The following TENM3 variants were observed in gnomAD, a reference collection of about 807,000 sequenced individuals.
The protein encoded by TENM3 is teneurin-3.
In TENM3, 63 loss-of-function variants were observed where a neutral mutation model predicts 255.1. That is an observed-to-expected ratio of 0.25 (90% CI 0.20 to 0.30). TENM3 has a LOEUF of 0.30. Among genes scored for constraint, TENM3 ranks in the 10% least tolerant of loss-of-function variants. The probability of loss-of-function intolerance (pLI) is 1.00; values close to 1 mark genes in which losing one functional copy is unlikely to be tolerated. For synonymous variants in TENM3, 1,306 were observed against 1,322.3 expected, an observed-to-expected ratio of 0.99 and a Z score of 0.27; for missense variants, 2,929 against 3,461.1, an observed-to-expected ratio of 0.85 and a Z score of 3.86.
chr4:182,702,106 A>G (rs1471414170), intron 12 of TENM3, among the ~76,000 whole-genome samples: 5 of 152,232 alleles, frequency 3.3e-5, no homozygotes, highest in Non-Finnish European at 7.3e-5. Flanking sequence ...CTCAAATAAA[A>G]TTACTAGTGA....
chr4:182,105,108 G>T, the TENM3 span, among the ~76,000 whole-genome samples: 14 of 152,138 alleles, frequency 9.2e-5, no homozygotes, highest in Non-Finnish European at 2.1e-4. Context: ...AGCTACTCCG[G>T]AGGCTGAAGC....
the TENM3 span, among the ~76,000 whole-genome samples, chr4:181,841,802 T>C: frequency 6.6e-6 from 1 of 152,220 alleles, no homozygotes; most frequent in Non-Finnish European, 1.5e-5. Flanking sequence ...CATCAATGTA[T>C]CAATTAACTT....
In TENM3 at chr4:182,326,214, C is replaced by T. The variant is rs566054010; in HGVS notation, c.232+1962C>T. On this transcript the variant is annotated intron_variant, in intron 2 of 27. Transcript: ENST00000511685. ...TGTATGAATCCGAACTTTGTAGAAA[C>T]GTAAATGGGATGGACTGCTAGTTAC... Among the ~76,000 whole-genome samples the T allele has an allele frequency of 3.9e-5, 6 of 152,306 alleles. No individual in the cohort carries two copies. In the East Asian group the frequency reaches 1.2e-3, roughly 29 times the overall value.
At chr4:182,621,179 T>TAA (rs113609964) in intron 4 of TENM3, among the ~76,000 whole-genome samples, 21 of 146,790 alleles carry the variant, frequency 1.4e-4, no homozygotes, top group African/African-American at 4.3e-4. Context: ...AGACTCCGTC[T>TAA]AAAAAAAAAA....
chr4:182,264,202 G>A (rs1471836606), intron 1 of TENM3, among the ~76,000 whole-genome samples: 1 of 152,206 alleles, frequency 6.6e-6, no homozygotes, highest in African/African-American at 2.4e-5. Flanking sequence ...GCTGTATTTT[G>A]AGCTATGAAT....
the TENM3 span, among the ~76,000 whole-genome samples, chr4:181,815,288 C>T: frequency 6.8e-4 from 88 of 128,754 alleles, no homozygotes; most frequent in African/African-American, 2.4e-3. Context: ...CCCGTCTCTA[C>T]AAAAATACAA....
chr4:182,259,089 A>G (rs191687778), intron 1 of TENM3, among the ~76,000 whole-genome samples: 1 of 152,306 alleles, frequency 6.6e-6, no homozygotes, highest in East Asian at 1.9e-4. Context: ...CCCAAGCTAA[A>G]AGATGGTGAA....
At chr4:182,194,521 T>G (rs1297275909) in intron 1 of TENM3, among the ~76,000 whole-genome samples, 1 of 152,212 alleles carries the variant, frequency 6.6e-6, no homozygotes. Flanking sequence ...AGATGAGGAT[T>G]TCGCCTCAAT....
At chr4:181,798,038 C>A in the TENM3 span, among the ~76,000 whole-genome samples, 1 of 151,762 alleles carries the variant, frequency 6.6e-6, no homozygotes, top group Non-Finnish European at 1.5e-5. Flanking sequence ...CTCTTTCTTG[C>A]CTATTTTTCT....
chr4:182,241,898 G>A (rs1432909013), upstream of TENM3, among the ~76,000 whole-genome samples: 1 of 151,642 alleles, frequency 6.6e-6, no homozygotes, highest in Non-Finnish European at 1.5e-5. Flanking sequence ...ACTCTCCGTG[G>A]TCACAAATAA....
the TENM3 span, among the ~76,000 whole-genome samples, chr4:182,119,149 C>T: frequency 3.3e-5 from 5 of 152,094 alleles, no homozygotes; most frequent in African/African-American, 1.2e-4. Flanking sequence ...ATTTCCCTCC[C>T]CCCAGGTAGA....
At chr4:182,687,067 A>G (rs1460647305) in intron 11 of TENM3, among the ~76,000 whole-genome samples, 2 of 152,156 alleles carry the variant, frequency 1.3e-5, no homozygotes, top group East Asian at 3.9e-4. Flanking sequence ...GTGTCTGAGA[A>G]ATGTTACCTG....
At chr4:181,799,379 C>A in the TENM3 span, among the ~76,000 whole-genome samples, 1 of 152,206 alleles carries the variant, frequency 6.6e-6, no homozygotes, top group Non-Finnish European at 1.5e-5. Flanking sequence ...ACAGCTATTG[C>A]TGTCAAATTT....
intron 3 of TENM3, among the ~76,000 whole-genome samples, chr4:182,384,985 C>T (rs1767811501): frequency 6.6e-6 from 1 of 152,100 alleles, no homozygotes; most frequent in Non-Finnish European, 1.5e-5. Flanking sequence ...TGAAAAGACC[C>T]ATCAGCAGCC....
At chr4:182,682,108 A>C (rs1756225212) in intron 11 of TENM3, 94 bp downstream of exon 11, 1 of 990,424 alleles carries the variant, frequency 1.0e-6, no homozygotes, top group African/African-American at 1.6e-5. Flanking sequence ...TAAACCTAAT[A>C]CAAATTTTAG....
At chr4:181,743,011 A>G in the TENM3 span, among the ~76,000 whole-genome samples, 1 of 151,776 alleles carries the variant, frequency 6.6e-6, no homozygotes, top group South Asian at 2.1e-4. Flanking sequence ...TGAACTCATC[A>G]TTTTTTATGG....
At chr4:182,550,141 G>A (rs901146280) in intron 3 of TENM3, among the ~76,000 whole-genome samples, 7 of 152,086 alleles carry the variant, frequency 4.6e-5, no homozygotes, top group Admixed American at 3.3e-4. Context: ...GAAAGTTTAC[G>A]TTTAAAAAAA....
chr4:181,681,548 A>C, the TENM3 span, among the ~76,000 whole-genome samples: 1 of 152,162 alleles, frequency 6.6e-6, no homozygotes, highest in African/African-American at 2.4e-5. Context: ...TTTCTGTATA[A>C]GTAACTTTAC....
intron 2 of TENM3, among the ~76,000 whole-genome samples, 169 bp downstream of exon 2, chr4:182,324,421 A>G (rs1763264058): frequency 6.6e-6 from 1 of 152,262 alleles, no homozygotes; most frequent in Admixed American, 6.5e-5. Context: ...AGAGATAGAA[A>G]GCCACCGGTG....
Sources: gnomAD v4.1 joint callset for allele counts (sites outside exome capture counted in the v4.1 genomes callset) on GRCh38, gnomAD v4.1.1 for gene constraint, MANE v1.5 for transcripts, NCBI Gene and HGNC (gene_info 2026-07-23, HGNC 2026-07-21) for gene names.